The following SPATA6 variants were observed in gnomAD, a reference collection of about 807,000 sequenced individuals.
The protein encoded by SPATA6 is spermatogenesis associated 6.
Under a neutral mutation model 65.3 loss-of-function variants are expected in SPATA6, and 56 were observed. The observed-to-expected ratio is 0.86, with a 90% confidence interval of 0.69 to 1.07. The LOEUF (loss-of-function observed/expected upper bound fraction) is 1.07. Ranked by LOEUF, SPATA6 falls within the 50% of genes least tolerant of loss-of-function variation. The pLI is 0.00. For missense variants in SPATA6, 590 were observed against 594.8 expected, an observed-to-expected ratio of 0.99 and a Z score of 0.08; for synonymous variants, 199 against 213.2, an observed-to-expected ratio of 0.93 and a Z score of 0.58.
chr1:48,362,706 G>T (rs1463055231), intron 9 of SPATA6, among the ~76,000 whole-genome samples: 3 of 152,040 alleles, frequency 2.0e-5, no homozygotes, highest in Non-Finnish European at 2.9e-5. Flanking sequence ...TAATGGTGCA[G>T]GTCTCACTGA....
At chr1:48,421,355 A>G (rs892639912) in intron 3 of SPATA6, among the ~76,000 whole-genome samples, 1 of 151,254 alleles carries the variant, frequency 6.6e-6, no homozygotes, top group African/African-American at 2.4e-5. Context: ...ATAAAACTTG[A>G]AAAAAAAAGA....
intron 3 of SPATA6, among the ~76,000 whole-genome samples, chr1:48,447,556 T>C (rs1230631220): frequency 6.6e-6 from 1 of 152,078 alleles, no homozygotes; most frequent in Non-Finnish European, 1.5e-5. Flanking sequence ...TTCGATTACA[T>C]GGGGAGACGG....
At chr1:48,363,684 A>C (rs892036822) in intron 9 of SPATA6, among the ~76,000 whole-genome samples, 3 of 152,050 alleles carry the variant, frequency 2.0e-5, no homozygotes, top group Non-Finnish European at 4.4e-5. Context: ...GCAAATGCTA[A>C]AATGAATCAA....
the SPATA6 span, among the ~76,000 whole-genome samples, chr1:48,289,305 A>G: frequency 1.3e-5 from 2 of 152,162 alleles, no homozygotes; most frequent in Non-Finnish European, 2.9e-5. Flanking sequence ...AAGGAAAACT[A>G]AAAAACAGAA....
chr1:48,267,681 C>T, the SPATA6 span, among the ~76,000 whole-genome samples: 1 of 150,756 alleles, frequency 6.6e-6, no homozygotes, highest in African/African-American at 2.4e-5. Context: ...TATCCAGCCG[C>T]CTGTGTGTGT....
At chr1:48,391,992 C>G (rs1371328903) in intron 8 of SPATA6, among the ~76,000 whole-genome samples, 1 of 152,008 alleles carries the variant, frequency 6.6e-6, no homozygotes, top group Non-Finnish European at 1.5e-5. Context: ...GAAATTCAAA[C>G]AAGAGGGACA....
In SPATA6 at chr1:48,305,801, A is replaced by G. The variant is rs1645046848; in HGVS notation, c.1272T>C (p.Ser424=). The G allele has an allele frequency of 2.5e-6, 4 of 1,610,722 alleles. No individual in the cohort carries two copies. The highest frequency in any genetic ancestry group is 3.4e-6 in the Non-Finnish European group (4 of 1,178,014). The change falls in exon 12 of 13, where the codon AGT becomes AGC. Residue 424 remains serine (S), a synonymous_variant. Coordinates refer to ENST00000371847, the MANE Select transcript of SPATA6 (RefSeq NM_019073.4). ...SLLCRDSAYD[S]DPEYSSCQQP... is the part of the protein sequence containing the mutation. ...TTCATTCATACCTATACTCGGGGTC[A>G]CTGTCATAGGCAGAGTCTCTACATA...
chr1:48,452,322 C>A (rs1354922373), intron 2 of SPATA6, among the ~76,000 whole-genome samples: 1 of 150,612 alleles, frequency 6.6e-6, no homozygotes, highest in Non-Finnish European at 1.5e-5. Context: ...CATAATTAAC[C>A]AAAAGCTGCA....
intron 3 of SPATA6, among the ~76,000 whole-genome samples, chr1:48,422,721 C>T (rs1315286720): frequency 6.6e-6 from 1 of 152,070 alleles, no homozygotes; most frequent in East Asian, 1.9e-4. Context: ...ATTATTTTTA[C>T]AATTTTTCAC....
chr1:48,348,999 C>T (rs1646445193), intron 11 of SPATA6, among the ~76,000 whole-genome samples: 1 of 151,904 alleles, frequency 6.6e-6, no homozygotes, highest in African/African-American at 2.4e-5. Context: ...CTGTATGAAA[C>T]ACATTTATCT....
intron 11 of SPATA6, among the ~76,000 whole-genome samples, chr1:48,327,210 G>C (rs1645788406): frequency 6.6e-6 from 1 of 152,092 alleles, no homozygotes; most frequent in South Asian, 2.1e-4. Context: ...TTCCTCAAAA[G>C]AAGAAATAAA....
At chr1:48,313,532 C>G (rs998363468) in intron 11 of SPATA6, among the ~76,000 whole-genome samples, 32 of 152,260 alleles carry the variant, frequency 2.1e-4, no homozygotes, top group African/African-American at 6.5e-4. Flanking sequence ...CCTAAAAGAG[C>G]TCCTGAAGGA....
At chr1:48,354,247 A>T (rs748324929) in intron 11 of SPATA6, among the ~76,000 whole-genome samples, 1 of 152,114 alleles carries the variant, frequency 6.6e-6, no homozygotes, top group Non-Finnish European at 1.5e-5. Flanking sequence ...TCAGTCAAAG[A>T]AGTAGGGAGG....
chr1:48,411,556 T>C lies in SPATA6; in HGVS notation c.313A>G (p.Thr105Ala), dbSNP rs773240130. Residue 105 changes from threonine (T) to alanine (A), a missense_variant, in exon 5 of 13, where the codon ACA becomes GCA. Thr to Ala is a moderately conservative substitution (Grantham distance 58, BLOSUM62 0). Transcript: ENST00000371847. ...GETLSTYDEN[T>A]RDFMFPGPNQ... ...GGACCCGGAAACATGAAATCTCGTG[T>C]ATTTTCGTCATACGTAGACAGTGTT... The C allele has an allele frequency of 6.8e-6, 11 of 1,609,920 alleles. No individual in the cohort carries two copies. In the Admixed American group the frequency reaches 1.8e-4, roughly 27 times the overall value.
rs1654937184 is a variant in SPATA6, at chr1:48,436,332, C to T, written c.238+15220G>A. 11 of 1,612,626 alleles carry T rather than the reference C, an allele frequency of 6.8e-6. No homozygotes were observed. In the South Asian group the frequency reaches 8.8e-5, roughly 13 times the overall value. ...TCCGGCATCCCAATATTACAACTTA[C>T]TGGACAGTTTTCACTGTTGGCAGCT... On this transcript the variant is annotated intron_variant, in intron 3 of 12. Transcript: ENST00000371847.
chr1:48,431,884 G>T (rs1029828399), intron 3 of SPATA6, among the ~76,000 whole-genome samples: 1 of 152,204 alleles, frequency 6.6e-6, no homozygotes, highest in Non-Finnish European at 1.5e-5. Context: ...GCCAAGGTGG[G>T]TGGATTGTTT....
the SPATA6 span, among the ~76,000 whole-genome samples, chr1:48,266,385 G>A: frequency 1.3e-5 from 2 of 152,030 alleles, no homozygotes; most frequent in Admixed American, 6.6e-5. Flanking sequence ...CACTCCCACC[G>A]TGTGACCCAC....
intron 11 of SPATA6, among the ~76,000 whole-genome samples, chr1:48,334,164 G>A (rs1645995170): frequency 6.6e-6 from 1 of 151,970 alleles, no homozygotes; most frequent in Admixed American, 6.6e-5. Flanking sequence ...TAAAAGCCAA[G>A]AATCAGGTAG....
intron 11 of SPATA6, among the ~76,000 whole-genome samples, chr1:48,321,490 A>G (rs955572703): frequency 6.6e-6 from 1 of 152,168 alleles, no homozygotes. Context: ...TTATAAATAT[A>G]TATCATCCAA....
Sources: gnomAD v4.1 joint callset for allele counts (sites outside exome capture counted in the v4.1 genomes callset) on GRCh38, gnomAD v4.1.1 for gene constraint, MANE v1.5 for transcripts, NCBI Gene and HGNC (gene_info 2026-07-23, HGNC 2026-07-21) for gene names.